The following MEGF11 variants were observed in gnomAD, a reference collection of about 807,000 sequenced individuals.
MEGF11 encodes the protein multiple epidermal growth factor-like domains protein 11.
MEGF11 carries 126 observed loss-of-function variants against 146.6 expected under a neutral mutation model. That is an observed-to-expected ratio of 0.86 (90% confidence interval 0.74 to 1.00). MEGF11 has a LOEUF of 1.00. Among genes scored for constraint, MEGF11 ranks in the 50% least tolerant of loss-of-function variants. The pLI, the probability that MEGF11 is intolerant of heterozygous loss-of-function variation, is 0.00. For missense variants in MEGF11, 1,509 were observed against 1,521.2 expected, an observed-to-expected ratio of 0.99 and a Z score of 0.13; for synonymous variants, 532 against 583.4, an observed-to-expected ratio of 0.91 and a Z score of 1.27.
chr15:66,091,392 C>G (rs935825020), intron 5 of MEGF11, among the ~76,000 whole-genome samples: 6 of 152,202 alleles, frequency 3.9e-5, no homozygotes, highest in African/African-American at 7.2e-5. Context: ...TATGAACAAC[C>G]ATGTTTTCTC....
At chr15:65,942,821 A>G (rs2080046745) in intron 10 of MEGF11, among the ~76,000 whole-genome samples, 1 of 152,062 alleles carries the variant, frequency 6.6e-6, no homozygotes, top group African/African-American at 2.4e-5. Context: ...TGAGAACAGA[A>G]TGAAGCTTCC....
At chr15:66,189,259 G>A (rs1218312514) in intron 1 of MEGF11, among the ~76,000 whole-genome samples, 1 of 152,184 alleles carries the variant, frequency 6.6e-6, no homozygotes, top group East Asian at 1.9e-4. Context: ...GGAGGCCAAG[G>A]AATCCAAGCT....
chr15:66,158,233 T>G (rs931883818), intron 1 of MEGF11, among the ~76,000 whole-genome samples: 2 of 152,258 alleles, frequency 1.3e-5, no homozygotes, highest in Non-Finnish European at 2.9e-5. Context: ...AATCCTGAGC[T>G]GGCATCACCC....
At chr15:66,145,751 C>G (rs1031418657) in intron 1 of MEGF11, among the ~76,000 whole-genome samples, 1 of 152,194 alleles carries the variant, frequency 6.6e-6, no homozygotes, top group Non-Finnish European at 1.5e-5. Context: ...GAAATGTGCT[C>G]TGGAGTCAGA....
chr15:66,033,182 C>T (rs2083598222), intron 5 of MEGF11, among the ~76,000 whole-genome samples: 1 of 151,724 alleles, frequency 6.6e-6, no homozygotes, highest in Non-Finnish European at 1.5e-5. Flanking sequence ...GGAAATGGCA[C>T]CTAGGTGTGG....
Position 65,930,912 on chromosome 15 carries a change from C to G in MEGF11, c.1319G>C (p.Gly440Ala), listed in dbSNP as rs1181095122. ...GEVCAVSCAA[G>A]TYGPNCSSIC... ...GGACGAGCAGTTGGGGCCATAGGTC[C>G]CTGCTGCACAGGAAACGGCACAGAC... Residue 440 changes from glycine to alanine, a missense_variant, in exon 11 of 26, where the codon GGG becomes GCG. Physicochemically the swap from Gly to Ala is moderately conservative, Grantham distance 60 (BLOSUM62 0). Transcript: ENST00000395614. 1 of 1,609,310 alleles carries G rather than the reference C, an allele frequency of 6.2e-7. No individual in the cohort carries two copies. Among genetic ancestry groups the G allele is most frequent in the Middle Eastern group, 1.6e-4 (1 of 6,066 alleles).
chr15:65,995,723 A>G (rs565657958), intron 5 of MEGF11, among the ~76,000 whole-genome samples: 50 of 152,300 alleles, frequency 3.3e-4, no homozygotes, highest in African/African-American at 1.1e-3. Context: ...TACTTAAGGG[A>G]TGAGGCACTT....
At chr15:66,165,464 C>G (rs1406237676) in intron 1 of MEGF11, among the ~76,000 whole-genome samples, 1 of 152,184 alleles carries the variant, frequency 6.6e-6, no homozygotes, top group Non-Finnish European at 1.5e-5. Context: ...GTCACCACCA[C>G]CAGCACAGAA....
intron 1 of MEGF11, among the ~76,000 whole-genome samples, chr15:66,236,149 T>G (rs888705001): frequency 6.6e-6 from 1 of 152,046 alleles, no homozygotes; most frequent in African/African-American, 2.4e-5. Context: ...GGCTTTGCAG[T>G]CAGAAAACAA....
At chr15:66,248,463 C>T (rs1294737713) in intron 1 of MEGF11, among the ~76,000 whole-genome samples, 1 of 152,218 alleles carries the variant, frequency 6.6e-6, no homozygotes, top group South Asian at 2.1e-4. Context: ...GGCCCCTGCC[C>T]TCATTGTGCC....
chr15:66,076,723 G>A (rs1459348388), intron 5 of MEGF11, among the ~76,000 whole-genome samples: 1 of 152,158 alleles, frequency 6.6e-6, no homozygotes, highest in Admixed American at 6.5e-5. Flanking sequence ...GGGAGGTCAG[G>A]CCAGGACATG....
chr15:66,164,534 TAA>T (rs1344860832), intron 1 of MEGF11, among the ~76,000 whole-genome samples: 1 of 152,146 alleles, frequency 6.6e-6, no homozygotes, highest in Non-Finnish European at 1.5e-5. Flanking sequence ...TCCTCACCTG[TAA>T]AATGGGGACA....
At chr15:65,923,309 T>G (rs912136547) in intron 13 of MEGF11, among the ~76,000 whole-genome samples, 1 of 152,170 alleles carries the variant, frequency 6.6e-6, no homozygotes, top group Non-Finnish European at 1.5e-5. Context: ...GAGATGAGAT[T>G]GTGGGAGTAA....
chr15:66,180,899 G>A (rs1475330771), intron 1 of MEGF11, among the ~76,000 whole-genome samples: 2 of 152,200 alleles, frequency 1.3e-5, no homozygotes, highest in Non-Finnish European at 2.9e-5. Flanking sequence ...GGCCCTGGCT[G>A]TGACCCTGTG....
intron 1 of MEGF11, among the ~76,000 whole-genome samples, chr15:66,229,744 G>C (rs1308125607): frequency 3.6e-5 from 3 of 83,622 alleles, no homozygotes; most frequent in African/African-American, 1.4e-4. Context: ...CCAGACAACA[G>C]AGAGAGCTGG....
At chr15:66,227,313 T>C (rs2091875058) in intron 1 of MEGF11, among the ~76,000 whole-genome samples, 1 of 152,118 alleles carries the variant, frequency 6.6e-6, no homozygotes. Flanking sequence ...GCGTGGGAAT[T>C]GCTGAGCCCA....
chr15:66,099,662 G>A (rs1197074362), intron 4 of MEGF11, among the ~76,000 whole-genome samples: 1 of 152,214 alleles, frequency 6.6e-6, no homozygotes, highest in African/African-American at 2.4e-5. Flanking sequence ...GAGTAAATGA[G>A]TTAACTCATG....
At chr15:66,197,425 T>C (rs1225606808) in intron 1 of MEGF11, among the ~76,000 whole-genome samples, 1 of 152,128 alleles carries the variant, frequency 6.6e-6, no homozygotes, top group African/African-American at 2.4e-5. Context: ...TTTGTTGTTT[T>C]TGTTTTTTGT....
intron 5 of MEGF11, among the ~76,000 whole-genome samples, chr15:66,006,229 G>T (rs2141860949): frequency 6.6e-6 from 1 of 152,246 alleles, no homozygotes; most frequent in African/African-American, 2.4e-5. Context: ...CAGGAGCCCG[G>T]GGCTCTGGCT....
Sources: allele counts gnomAD v4.1 joint callset (sites outside exome capture counted in the v4.1 genomes callset), GRCh38; gene constraint gnomAD v4.1.1; transcripts MANE v1.5; gene names NCBI Gene and HGNC (gene_info 2026-07-23, HGNC 2026-07-21).